The following RCC1 variants were observed in gnomAD, a reference collection of about 807,000 sequenced individuals.
RCC1 encodes regulator of chromosome condensation 1.
Under a neutral mutation model 44.4 loss-of-function variants are expected in RCC1, and 11 were observed. That is an observed-to-expected ratio of 0.25 (90% CI 0.16 to 0.41). The LOEUF (loss-of-function observed/expected upper bound fraction) is 0.41. Ranked by LOEUF, RCC1 falls within the 10% of genes least tolerant of loss-of-function variation. RCC1 has a pLI of 1.00. For synonymous variants in RCC1, 213 were observed against 216.5 expected, an observed-to-expected ratio of 0.98 and a Z score of 0.14; for missense variants, 386 against 547.1, an observed-to-expected ratio of 0.71 and a Z score of 2.94.
chr1:28,532,120 G>C (rs1165260530), intron 6 of RCC1, 51 bp from the exon 7 acceptor site: 1 of 1,595,442 alleles, frequency 6.3e-7, no homozygotes. Context: ...GCCTACATGA[G>C]AATGGACTGC....
At chr1:28,523,027 C>CTTTT (rs775851239) in intron 4 of RCC1, among the ~76,000 whole-genome samples, 21 of 91,022 alleles carry the variant, frequency 2.3e-4, no homozygotes, top group East Asian at 5.9e-4. Context: ...GAAGAAATTT[C>CTTTT]TTTTTTTTTT....
chr1:28,524,000 AG>A (rs1163570941), intron 4 of RCC1, among the ~76,000 whole-genome samples: 1 of 152,188 alleles, frequency 6.6e-6, no homozygotes, highest in African/African-American at 2.4e-5. Context: ...TTTTTAGTAG[AG>A]ATGGGGTTCC....
intron 4 of RCC1, among the ~76,000 whole-genome samples, chr1:28,524,069 C>G (rs1306674838): frequency 6.6e-6 from 1 of 152,220 alleles, no homozygotes; most frequent in Non-Finnish European, 1.5e-5. Flanking sequence ...CCCGCCTTGG[C>G]CTCCCAATCT....
chr1:28,523,341 C>G (rs573545105), intron 4 of RCC1, among the ~76,000 whole-genome samples: 1 of 152,128 alleles, frequency 6.6e-6, no homozygotes, highest in Non-Finnish European at 1.5e-5. Context: ...TAATAACACT[C>G]AAGGACGCCA....
intron 4 of RCC1, chr1:28,518,731 AG>A (rs1418072206): frequency 6.6e-6 from 1 of 151,412 alleles, no homozygotes; most frequent in African/African-American, 2.4e-5. Context: ...CAGATCGGGG[AG>A]GGAGCCCTGC....
chr1:28,508,921 T>C lies in RCC1; in HGVS notation c.-153+16T>C. 3.9e-6 allele frequency: 2 copies of C among 508,496 alleles called. No individual in the cohort carries two copies. The highest frequency in any genetic ancestry group is 6.4e-4 in the Middle Eastern group (2 of 3,108). 31.5% of individuals were successfully genotyped at this position (508,496 alleles called of 1,614,324 possible). On this transcript the variant is annotated intron_variant, in intron 3 of 12. Transcript: ENST00000683442. ...GGGAGAGTAGGTAAACTGATTTTTTTTTTTAACAGGGAGGGTTTGACAATC... is the reference window on the plus strand; with the variant it reads ...GGGAGAGTAGGTAAACTGATTTTTTCTTTTAACAGGGAGGGTTTGACAATC...
At chr1:28,509,594 C>T (rs565281462) in intron 3 of RCC1, 1 of 152,300 alleles carries the variant, frequency 6.6e-6, no homozygotes, top group Non-Finnish European at 1.5e-5. Context: ...GCCTAATCTG[C>T]TATGTTAATG....
At chr1:28,514,448 T>TCAAAAAAAAAA (rs1368864219) in intron 3 of RCC1, among the ~76,000 whole-genome samples, 1 of 103,350 alleles carries the variant, frequency 9.7e-6, no homozygotes, top group African/African-American at 4.5e-5. Context: ...AGACTCCGTC[T>TCAAAAAAAAAA]CAAAAAAAAA....
rs992829232 is a variant in RCC1, at chr1:28,538,144, A to G, written c.*137A>G. ...AGTTCCTGCCTTTTCTCATCAGCAGAACAGAATCCTTTTCCTCTTTTCCTT... is the reference window on the plus strand; with the variant it reads ...AGTTCCTGCCTTTTCTCATCAGCAGGACAGAATCCTTTTCCTCTTTTCCTT... On this transcript the variant is annotated 3_prime_UTR_variant, in exon 13 of 13. Transcript: ENST00000683442. 8.4e-6 allele frequency: 6 copies of G among 714,804 alleles called. No individual in the cohort carries two copies. The African/African-American group carries it at 1.1e-4, about 13-fold the overall frequency. 44.3% of individuals were successfully genotyped at this position (714,804 alleles called of 1,614,324 possible).
intron 5 of RCC1, among the ~76,000 whole-genome samples, chr1:28,531,240 C>G (rs970080067): frequency 6.7e-6 from 1 of 148,688 alleles, no homozygotes; most frequent in East Asian, 2.0e-4. Context: ...ATAACAATAA[C>G]AATAATTAGC....
Position 28,536,044 on chromosome 1 carries a change from C to T in RCC1, c.817+18C>T. ...TCAGCTTGGTGAGCCCCGAGCCCAGCTTCAGGCATGACCCAGTGGCCTGCG... is the reference window on the plus strand; with the variant it reads ...TCAGCTTGGTGAGCCCCGAGCCCAGTTTCAGGCATGACCCAGTGGCCTGCG... On this transcript the variant is annotated intron_variant, in intron 10 of 12. Coordinates refer to ENST00000683442, the MANE Select transcript of RCC1 (RefSeq NM_001381865.2). The surrounding 1 kb of genome is among the most constrained non-coding windows in gnomAD (Gnocchi z 4.9). 1 of 1,595,736 alleles carries T rather than the reference C, an allele frequency of 6.3e-7. No individual in the cohort carries two copies. Among genetic ancestry groups the T allele is most frequent in the South Asian group, 1.1e-5 (1 of 88,964 alleles).
chr1:28,523,044 T>TG (rs1413191724), intron 4 of RCC1, among the ~76,000 whole-genome samples: 2 of 144,030 alleles, frequency 1.4e-5, no homozygotes, highest in Non-Finnish European at 3.0e-5. Flanking sequence ...TTTTTTTTTT[T>TG]TTTTTGAGAC....
rs1406249070 is a variant in RCC1 at position 28,538,248 on chromosome 1, A to G, written c.*241A>G. 4.8e-6 allele frequency: 2 copies of G among 421,044 alleles called. No homozygotes were observed. Among genetic ancestry groups the G allele is most frequent in the Non-Finnish European group, 8.5e-6 (2 of 234,308 alleles). The allele number at this position is 421,044 out of a possible 1,614,324, so 26.1% of individuals were successfully genotyped here. A position where few individuals can be genotyped will look rare whatever the true frequency, so the allele number is the denominator to read the frequency against. ...GGGGTTTTCAAAAGGAACATGGCTC[A>G]CTCAGAGCTATATGGTTAGACGTTT... On this transcript the variant is annotated 3_prime_UTR_variant, in exon 13 of 13. Transcript: ENST00000683442.
In RCC1 at chr1:28,511,013, G is replaced by A. The variant is rs1662496205; in HGVS notation, c.-153+2108G>A. ...AGGTAGAGGTGAAGCAAAGCTGTCA[G>A]TAGGTGTTCAGGTCCCACTCTGCTA... On this transcript the variant is annotated intron_variant, in intron 3 of 12. Transcript: ENST00000683442. 4 of 151,816 alleles carry A rather than the reference G, an allele frequency of 2.6e-5. No individual in the cohort carries two copies. In the South Asian group the frequency reaches 8.3e-4, roughly 31 times the overall value. The allele number at this position is 151,816 out of a possible 1,614,324, so 9.4% of individuals were successfully genotyped here. A position where few individuals can be genotyped will look rare whatever the true frequency, so the allele number is the denominator to read the frequency against.
chr1:28,509,387 G>A (rs41264144), intron 3 of RCC1: 9 of 164,526 alleles, frequency 5.5e-5, no homozygotes, highest in East Asian at 3.5e-4. Context: ...GACTACAGGC[G>A]TGTAGCACCA....
chr1:28,536,150 G>A lies in RCC1; in HGVS notation c.818-112G>A. The A allele has an allele frequency of 6.5e-7, 1 of 1,544,142 alleles. No homozygotes were observed. The highest frequency in any genetic ancestry group is 8.7e-7 in the Non-Finnish European group (1 of 1,142,860). ...CCCCTCCAAGCCAGTTTTGTCATCT[G>A]TAAAGTGAGAATGTCCATATCCTGA... On this transcript the variant is annotated intron_variant, in intron 10 of 12. Coordinates refer to ENST00000683442, the MANE Select transcript of RCC1 (RefSeq NM_001381865.2). This position sits in a 1 kb window ranked among gnomAD's most constrained non-coding sequence, Gnocchi z 4.9.
intron 7 of RCC1, among the ~76,000 whole-genome samples, chr1:28,533,491 G>T (rs945939916): frequency 6.7e-5 from 10 of 148,578 alleles, no homozygotes; most frequent in Admixed American, 5.5e-4. Context: ...AAAGAAGTCC[G>T]GGCGCAGTAG....
intron 5 of RCC1, among the ~76,000 whole-genome samples, chr1:28,531,062 C>T (rs1182013923): frequency 6.6e-6 from 1 of 152,084 alleles, no homozygotes; most frequent in Non-Finnish European, 1.5e-5. Flanking sequence ...AACCCCGTCT[C>T]TACTAAAATA....
At chr1:28,508,785 G>A (rs1237597645) in intron 2 of RCC1, 45 bp from the exon 3 acceptor site, 5 of 518,684 alleles carry the variant, frequency 9.6e-6, no homozygotes, top group South Asian at 4.2e-5. Flanking sequence ...ATTTTAAGTT[G>A]AAGTAGGATC....
Sources: gnomAD v4.1 joint callset for allele counts (sites outside exome capture counted in the v4.1 genomes callset) on GRCh38, gnomAD v4.1.1 for gene constraint, Gnocchi (gnomAD v3.1) non-coding constraint, MANE v1.5 for transcripts, NCBI Gene and HGNC (gene_info 2026-07-23, HGNC 2026-07-21) for gene names.